FHIT: variants seen among roughly 807,000 people sequenced by gnomAD.
FHIT encodes fragile histidine triad diadenosine triphosphatase.
In FHIT, 19 loss-of-function variants were observed where a neutral mutation model predicts 17.9. The observed-to-expected ratio is 1.06, with a 90% confidence interval of 0.74 to 1.56. The LOEUF is 1.56. Among genes scored for constraint, FHIT ranks in the 40% most tolerant of loss-of-function variants. The pLI, the probability that FHIT is intolerant of heterozygous loss-of-function variation, is 0.00. For missense variants in FHIT, 248 were observed against 189.2 expected, an observed-to-expected ratio of 1.31 and a Z score of -1.82; for synonymous variants, 81 against 69.7, an observed-to-expected ratio of 1.16 and a Z score of -0.81.
chr3:60,831,171 A>G (rs1702313864), intron 3 of FHIT, among the ~76,000 whole-genome samples: 1 of 152,244 alleles, frequency 6.6e-6, no homozygotes, highest in South Asian at 2.1e-4. Context: ...CTCAGAACAT[A>G]AGATTGTGAT....
At chr3:59,978,322 G>A (rs1429895710) in intron 7 of FHIT, among the ~76,000 whole-genome samples, 1 of 151,988 alleles carries the variant, frequency 6.6e-6, no homozygotes, top group Admixed American at 6.6e-5. Flanking sequence ...CACCTTACAT[G>A]CCAATTACAA....
chr3:61,080,647 T>G (rs1333330218), intron 2 of FHIT, among the ~76,000 whole-genome samples: 1 of 152,068 alleles, frequency 6.6e-6, no homozygotes, highest in African/African-American at 2.4e-5. Context: ...CAAATAGAAT[T>G]TAGTATCAAT....
intron 4 of FHIT, among the ~76,000 whole-genome samples, chr3:60,704,534 A>G (rs1468281201): frequency 2.0e-5 from 3 of 152,228 alleles, no homozygotes; most frequent in African/African-American, 4.8e-5. Flanking sequence ...GTGCTGCATC[A>G]GCACTTCTGA....
intron 5 of FHIT, among the ~76,000 whole-genome samples, chr3:60,045,717 C>A (rs1476647730): frequency 1.3e-5 from 2 of 152,140 alleles, no homozygotes; most frequent in East Asian, 1.9e-4. Flanking sequence ...ATGGATTGAT[C>A]TGGAAAATAC....
chr3:60,432,956 T>A (rs999066238), intron 5 of FHIT, among the ~76,000 whole-genome samples: 4 of 151,660 alleles, frequency 2.6e-5, no homozygotes, highest in Non-Finnish European at 5.9e-5. Context: ...AGATACATAC[T>A]CTTAAGAAAA....
chr3:60,032,114 C>T (rs761745974), intron 5 of FHIT, among the ~76,000 whole-genome samples: 7 of 152,158 alleles, frequency 4.6e-5, no homozygotes, highest in Non-Finnish European at 7.3e-5. Context: ...TAAAGAAATG[C>T]ATAATTCACT....
intron 5 of FHIT, among the ~76,000 whole-genome samples, chr3:60,376,478 C>G (rs1576562595): frequency 6.6e-6 from 1 of 152,276 alleles, no homozygotes; most frequent in South Asian, 2.1e-4. Flanking sequence ...TTCATAAACA[C>G]AAACATACAT....
At chr3:60,561,785 G>C (rs1235785166) in intron 4 of FHIT, among the ~76,000 whole-genome samples, 1 of 152,060 alleles carries the variant, frequency 6.6e-6, no homozygotes, top group African/African-American at 2.4e-5. Flanking sequence ...GGCTTTGGCA[G>C]CCTCTTTTTT....
chr3:60,828,396 T>C (rs1702199613), intron 3 of FHIT, among the ~76,000 whole-genome samples: 1 of 152,250 alleles, frequency 6.6e-6, no homozygotes, highest in African/African-American at 2.4e-5. Context: ...ACTCACTACA[T>C]TGTTTAGTAA....
rs879196450 is a variant in FHIT at position 59,922,332 on chromosome 3, G to C, written c.348+14C>G. 2 of 1,608,452 alleles carry C rather than the reference G, an allele frequency of 1.2e-6. No individual in the cohort carries two copies. The highest frequency in any genetic ancestry group is 1.7e-5 in the Admixed American group (1 of 59,944). On this transcript the variant is annotated intron_variant, in intron 8 of 9. Coordinates refer to ENST00000492590, the MANE Select transcript of FHIT (RefSeq NM_002012.4). ...CCCGTGATCAAACAATAAGATCAGA[G>C]AGAACAGACCCACCTCCTCATAGAT...
At chr3:60,674,033 T>C (rs1698543623) in intron 4 of FHIT, among the ~76,000 whole-genome samples, 1 of 140,464 alleles carries the variant, frequency 7.1e-6, no homozygotes, top group Non-Finnish European at 1.5e-5. Flanking sequence ...GACCTCAAAT[T>C]GTACAAATGT....
At chr3:61,060,232 T>C (rs1249446896) in intron 2 of FHIT, among the ~76,000 whole-genome samples, 1 of 152,236 alleles carries the variant, frequency 6.6e-6, no homozygotes, top group Non-Finnish European at 1.5e-5. Context: ...TTTGATGGTA[T>C]AGTTGTGACC....
intron 4 of FHIT, among the ~76,000 whole-genome samples, chr3:60,749,593 C>A (rs2042426805): frequency 6.6e-6 from 1 of 152,112 alleles, no homozygotes; most frequent in Non-Finnish European, 1.5e-5. Flanking sequence ...ATCATTGTCA[C>A]CACTAACACA....
At chr3:60,965,080 G>C (rs1332117641) in intron 3 of FHIT, among the ~76,000 whole-genome samples, 2 of 152,174 alleles carry the variant, frequency 1.3e-5, no homozygotes, top group African/African-American at 2.4e-5. Flanking sequence ...AGCAGACGTA[G>C]ATTTGGTCTT....
intron 1 of FHIT, among the ~76,000 whole-genome samples, chr3:61,210,729 G>T (rs746888112): frequency 4.6e-5 from 7 of 152,150 alleles, no homozygotes; most frequent in Non-Finnish European, 1.0e-4. Flanking sequence ...CTAGGAAAGG[G>T]AATTCACTGA....
intron 2 of FHIT, among the ~76,000 whole-genome samples, chr3:61,069,784 A>G (rs2034741048): frequency 6.6e-6 from 1 of 152,182 alleles, no homozygotes; most frequent in Admixed American, 6.5e-5. Context: ...AATGATAAAG[A>G]ATTATGAACA....
intron 4 of FHIT, among the ~76,000 whole-genome samples, chr3:60,537,673 A>C (rs1460186092): frequency 1.3e-5 from 2 of 152,134 alleles, no homozygotes; most frequent in African/African-American, 4.8e-5. Flanking sequence ...GGCCGGGGGC[A>C]GGAAAGGGAG....
chr3:60,276,767 G>A (rs571441749), intron 5 of FHIT, among the ~76,000 whole-genome samples: 2 of 152,222 alleles, frequency 1.3e-5, no homozygotes, highest in South Asian at 4.2e-4. Context: ...TACAATCATG[G>A]CAGAAAACAA....
At chr3:60,919,230 C>G (rs550594627) in intron 3 of FHIT, among the ~76,000 whole-genome samples, 1 of 152,288 alleles carries the variant, frequency 6.6e-6, no homozygotes, top group South Asian at 2.1e-4. Context: ...CTTGAAAACA[C>G]ACGCGTTATA....
Sources: allele counts gnomAD v4.1 joint callset (sites outside exome capture counted in the v4.1 genomes callset), GRCh38; gene constraint gnomAD v4.1.1; transcripts MANE v1.5; gene names NCBI Gene and HGNC (gene_info 2026-07-23, HGNC 2026-07-21).